GRTP1: variants seen among roughly 807,000 people sequenced by gnomAD.
The protein encoded by GRTP1 is growth hormone-regulated TBC protein 1.
A neutral mutation model predicts 38.1 loss-of-function variants in GRTP1; 56 were observed. The ratio of observed to expected loss-of-function variants is 1.47; its 90% CI spans 1.19 to 1.84. The LOEUF (loss-of-function observed/expected upper bound fraction) is 1.84. Among genes scored for constraint, GRTP1 ranks in the 40% most tolerant of loss-of-function variants. The pLI, the probability that GRTP1 is intolerant of heterozygous loss-of-function variation, is 0.00. For missense variants in GRTP1, 506 were observed against 453.9 expected, an observed-to-expected ratio of 1.11 and a Z score of -1.04; for synonymous variants, 217 against 189.5, an observed-to-expected ratio of 1.14 and a Z score of -1.19.
At position 113,346,669 on chromosome 13, in the gene GRTP1, T is replaced by C. The variant is rs1382893288; in HGVS notation, c.466-1710A>G. 0.039 allele frequency among the ~76,000 whole-genome samples: 7 copies of C among 178 alleles called. 3 individuals carry two copies. The highest frequency in any genetic ancestry group is 0.051 in the African/African-American group (7 of 138). 0.1% of individuals were successfully genotyped at this position (178 alleles called of 152,430 possible). A position where few individuals can be genotyped will look rare whatever the true frequency, so the allele number is the denominator to read the frequency against. On this transcript the variant is annotated intron_variant, in intron 4 of 7. Coordinates refer to ENST00000375431, the MANE Select transcript of GRTP1 (RefSeq NM_024719.4). ...GCGGACCTGGGAGGACCTCTGTGGCTGAGCGGATCTGGGAGGACCTCTGTG... is the reference window on the plus strand; with the variant it reads ...GCGGACCTGGGAGGACCTCTGTGGCCGAGCGGATCTGGGAGGACCTCTGTG...
intron 2 of GRTP1, among the ~76,000 whole-genome samples, chr13:113,361,091 C>G (rs1352423881): frequency 8.7e-6 from 1 of 114,862 alleles, no homozygotes; most frequent in African/African-American, 3.5e-5. Flanking sequence ...GCCAGGCTGA[C>G]AGAGCTAGAC....
chr13:113,355,599 C>G, intron 2 of GRTP1, 118 bp from the exon 3 acceptor site: 1 of 1,230,470 alleles, frequency 8.1e-7, no homozygotes, highest in Non-Finnish European at 1.1e-6. Context: ...ATTAAAGAGA[C>G]CCAGAACTTC....
chr13:113,352,147 G>A (rs1205298993), intron 3 of GRTP1, among the ~76,000 whole-genome samples: 2 of 148,376 alleles, frequency 1.3e-5, no homozygotes, highest in Non-Finnish European at 1.5e-5. Context: ...AATCAGTCAA[G>A]GGGAAGTTAG....
At position 113,348,044 on chromosome 13, in the gene GRTP1, G is replaced by A. The variant is rs1039629474; in HGVS notation, c.465+2805C>T. Among the ~76,000 whole-genome samples the A allele has an allele frequency of 1.6e-4, 24 of 152,108 alleles. No homozygotes were observed. The highest frequency in any genetic ancestry group is 4.3e-4 in the African/African-American group (18 of 41,506). ...AGGACCTGTCTGGCCGAGTGGACCC[G>A]GGAGGATCTCCGTGGCTGAGAATGG... On this transcript the variant is annotated intron_variant, in intron 4 of 7. Coordinates refer to ENST00000375431, the MANE Select transcript of GRTP1 (RefSeq NM_024719.4). The surrounding 1 kb of genome is among the most constrained non-coding windows in gnomAD (Gnocchi z 4.8).
At chr13:113,334,563 A>T (rs2042928626) in intron 5 of GRTP1, among the ~76,000 whole-genome samples, 1 of 152,180 alleles carries the variant, frequency 6.6e-6, no homozygotes, top group African/African-American at 2.4e-5. Flanking sequence ...TTAGAATGAG[A>T]AACTGGTGGA....
In GRTP1 at chr13:113,363,746, C is replaced by A. The variant is rs772442629; in HGVS notation, c.181+16G>T. The A allele has an allele frequency of 1.2e-6, 2 of 1,601,422 alleles. No individual in the cohort carries two copies. Among genetic ancestry groups the A allele is most frequent in the Non-Finnish European group, 1.7e-6 (2 of 1,174,712 alleles). ...CACCTGCGCCCTCGGGACCCACCTGCGCCCCCGGGACCCACCTGTCCGGCT... is the reference window on the plus strand; with the variant it reads ...CACCTGCGCCCTCGGGACCCACCTGAGCCCCCGGGACCCACCTGTCCGGCT... On this transcript the variant is annotated intron_variant, in intron 2 of 7. Coordinates refer to ENST00000375431, the MANE Select transcript of GRTP1 (RefSeq NM_024719.4).
chr13:113,357,391 G>A (rs571644763), intron 2 of GRTP1, among the ~76,000 whole-genome samples: 1 of 141,292 alleles, frequency 7.1e-6, no homozygotes, highest in East Asian at 2.2e-4. Flanking sequence ...GTTGCAGTGA[G>A]CCGAGATCAC....
chr13:113,326,923 A>T (rs1191587500), intron 5 of GRTP1, among the ~76,000 whole-genome samples: 1 of 152,234 alleles, frequency 6.6e-6, no homozygotes, highest in East Asian at 1.9e-4. Flanking sequence ...GTCTGGGAAG[A>T]TGAAACAGCT....
intron 4 of GRTP1, 127 bp downstream of exon 4, chr13:113,350,722 G>T: frequency 1.1e-6 from 1 of 890,540 alleles, no homozygotes; most frequent in East Asian, 2.8e-5. Context: ...AGCCTCAATG[G>T]GGCATCAGGA....
At chr13:113,329,105 C>CGCTT in intron 5 of GRTP1, among the ~76,000 whole-genome samples, 1 of 152,350 alleles carries the variant, frequency 6.6e-6, no homozygotes, top group East Asian at 1.9e-4. Flanking sequence ...TGTTGATAAG[C>CGCTT]GTCTTTTTCT....
At chr13:113,361,164 T>A (rs1371657348) in intron 2 of GRTP1, among the ~76,000 whole-genome samples, 123 of 64,094 alleles carry the variant, frequency 1.9e-3, no homozygotes, top group African/African-American at 3.2e-3. Context: ...GTTACTTCAA[T>A]AAAAACAAAA....
intron 5 of GRTP1, among the ~76,000 whole-genome samples, chr13:113,338,254 C>T (rs979438706): frequency 1.3e-5 from 2 of 152,144 alleles, no homozygotes; most frequent in African/African-American, 4.8e-5. Flanking sequence ...TCTTCATGGG[C>T]TCTACAAGAG....
At chr13:113,333,525 G>GATAGGGTCTTGCTCT (rs1424678981) in intron 5 of GRTP1, among the ~76,000 whole-genome samples, 1 of 152,082 alleles carries the variant, frequency 6.6e-6, no homozygotes, top group Non-Finnish European at 1.5e-5. Flanking sequence ...ATTTTTTTGA[G>GATAGGGTCTTGCTCT]ATAGGGTCTT....
rs989181189 is a variant in GRTP1, at chr13:113,350,996, C to T, written c.341-23G>A. 4.3e-6 allele frequency: 7 copies of T among 1,612,498 alleles called. No homozygotes were observed. The Admixed American group carries it at 6.7e-5, about 15-fold the overall frequency. ...GGTCTGTGGGAAATTCAGAAGGAATCACCCACGGGTTTCTGTTCCACAAGC... is the reference window on the plus strand; with the variant it reads ...GGTCTGTGGGAAATTCAGAAGGAATTACCCACGGGTTTCTGTTCCACAAGC... On this transcript the variant is annotated intron_variant, in intron 3 of 7. Coordinates refer to ENST00000375431, the MANE Select transcript of GRTP1 (RefSeq NM_024719.4).
chr13:113,326,679 AAAC>A (rs1255686748), intron 5 of GRTP1, among the ~76,000 whole-genome samples: 3 of 132,434 alleles, frequency 2.3e-5, no homozygotes, highest in African/African-American at 1.3e-4. Flanking sequence ...TCAAAAAAAC[AAAC>A]AAACAAAAAT....
At chr13:113,352,362 A>ATATATATTTTATATATATTT (rs2043300019) in intron 3 of GRTP1, among the ~76,000 whole-genome samples, 4 of 80,850 alleles carry the variant, frequency 4.9e-5, no homozygotes, top group Admixed American at 3.6e-4. Flanking sequence ...TATATATTTT[A>ATATATATTTTATATATATTT]TATATATATA....
At chr13:113,363,669 C>T (rs1284248233) in intron 2 of GRTP1, 93 bp downstream of exon 2, 3 of 1,321,250 alleles carry the variant, frequency 2.3e-6, no homozygotes, top group South Asian at 2.7e-5. Flanking sequence ...GGTTCCTCCC[C>T]CTCCCTCCGC....
In GRTP1 at chr13:113,346,301, C is replaced by T. The variant is rs1424383651; in HGVS notation, c.466-1342G>A. On this transcript the variant is annotated intron_variant, in intron 4 of 7. Coordinates refer to ENST00000375431, the MANE Select transcript of GRTP1 (RefSeq NM_024719.4). ...CTGTGGCTGAGCGGATCTGGGAGGA[C>T]CTCTGTGGCAGAGAGCAGACCCGGG... 1.3e-3 allele frequency among the ~76,000 whole-genome samples: 63 copies of T among 46,844 alleles called. 22 individuals are homozygous for T. The highest frequency in any genetic ancestry group is 1.7e-3 in the Non-Finnish European group (46 of 26,896). The allele number at this position is 46,844 out of a possible 152,430, so 30.7% of individuals were successfully genotyped here.
chr13:113,326,933 T>G (rs987853734), intron 5 of GRTP1, among the ~76,000 whole-genome samples: 4 of 152,060 alleles, frequency 2.6e-5, no homozygotes, highest in Admixed American at 1.3e-4. Flanking sequence ...ATGAAACAGC[T>G]CTGGAGAGGG....
Sources: allele counts gnomAD v4.1 joint callset (sites outside exome capture counted in the v4.1 genomes callset), GRCh38; gene constraint gnomAD v4.1.1; non-coding constraint Gnocchi (gnomAD v3.1); transcripts MANE v1.5; gene names NCBI Gene and HGNC (gene_info 2026-07-23, HGNC 2026-07-21).